CDYL: variants seen among roughly 807,000 people sequenced by gnomAD.
CDYL encodes chromodomain Y-like protein.
A neutral mutation model predicts 47.3 loss-of-function variants in CDYL; 8 were observed. The observed-to-expected ratio is 0.17, with a 90% CI of 0.10 to 0.31. CDYL has a LOEUF of 0.31. CDYL is among the 10% of genes least tolerant of loss of function. The pLI, the probability that CDYL is intolerant of heterozygous loss-of-function variation, is 1.00. For synonymous variants in CDYL, 266 were observed against 265.0 expected, an observed-to-expected ratio of 1.00 and a Z score of -0.04; for missense variants, 471 against 701.4, an observed-to-expected ratio of 0.67 and a Z score of 3.71.
intron 1 of CDYL, among the ~76,000 whole-genome samples, chr6:4,818,532 T>A (rs944411604): frequency 2.6e-5 from 4 of 152,124 alleles, no homozygotes; most frequent in Admixed American, 6.5e-5. Context: ...GAGTCTGAGA[T>A]TGGAGATGTA....
chr6:4,762,538 G>A (rs542301696), intron 3 of CDYL, among the ~76,000 whole-genome samples: 136 of 149,036 alleles, frequency 9.1e-4, no homozygotes, highest in African/African-American at 3.1e-3. Context: ...TCTTATTCAG[G>A]TCAAAGAGAT....
intron 2 of CDYL, among the ~76,000 whole-genome samples, chr6:4,905,111 C>T (rs2127496561): frequency 6.6e-6 from 1 of 152,302 alleles, no homozygotes; most frequent in Non-Finnish European, 1.5e-5. Context: ...ATAAACAAAG[C>T]CAGCCCAGTA....
At chr6:4,861,862 G>A (rs1305811230) in intron 1 of CDYL, among the ~76,000 whole-genome samples, 3 of 152,140 alleles carry the variant, frequency 2.0e-5, no homozygotes, top group African/African-American at 7.2e-5. Context: ...TAAAGCACCT[G>A]GGTTATGATG....
intron 1 of CDYL, among the ~76,000 whole-genome samples, chr6:4,819,336 G>A (rs1045171522): frequency 2.0e-5 from 3 of 149,436 alleles, no homozygotes; most frequent in Admixed American, 1.3e-4. Flanking sequence ...AAAGAATTAC[G>A]TGTGTCAATC....
chr6:4,808,368 A>G (rs1759431822), intron 1 of CDYL, among the ~76,000 whole-genome samples: 1 of 152,206 alleles, frequency 6.6e-6, no homozygotes, highest in South Asian at 2.1e-4. Context: ...CATTCATTCT[A>G]ACCTTCTTCT....
chr6:4,736,952 C>T (rs1262163140), intron 3 of CDYL, among the ~76,000 whole-genome samples: 1 of 152,024 alleles, frequency 6.6e-6, no homozygotes, highest in Non-Finnish European at 1.5e-5. Context: ...GAACGAGTTC[C>T]CTAAATAGTC....
chr6:4,849,911 G>A (rs1376972232), intron 1 of CDYL, among the ~76,000 whole-genome samples: 2 of 144,384 alleles, frequency 1.4e-5, no homozygotes, highest in Admixed American at 6.9e-5. Flanking sequence ...CAGGAGGCAG[G>A]GAAGGGGATA....
At chr6:4,941,327 A>G (rs933115163) in intron 4 of CDYL, among the ~76,000 whole-genome samples, 1 of 152,224 alleles carries the variant, frequency 6.6e-6, no homozygotes, top group Non-Finnish European at 1.5e-5. Flanking sequence ...CTTGATTTGC[A>G]GCTCCCTTGG....
At position 4,944,251 on chromosome 6, in the gene CDYL, A is replaced by G. The variant is rs141856290; in HGVS notation, c.1332+495A>G. Among the ~76,000 whole-genome samples the G allele has an allele frequency of 6.6e-3, 1,001 of 152,292 alleles. 6 individuals are homozygous for G. Among genetic ancestry groups the G allele is most frequent in the Middle Eastern group, 0.01 (3 of 294 alleles). On this transcript the variant is annotated intron_variant, in intron 5 of 6. Transcript: ENST00000397588. Reference sequence around the variant, plus strand: ...TTCACATCTCATTCTCTAGTCCTTGAAATAGGGCAGGAGGTGGTGTCACAG... The same window carrying G: ...TTCACATCTCATTCTCTAGTCCTTGGAATAGGGCAGGAGGTGGTGTCACAG...
chr6:4,850,177 C>A (rs1247910075), intron 1 of CDYL, among the ~76,000 whole-genome samples: 2 of 152,188 alleles, frequency 1.3e-5, no homozygotes, highest in Non-Finnish European at 2.9e-5. Flanking sequence ...ATGCTTCACG[C>A]TAATTGCCAG....
intron 1 of CDYL, among the ~76,000 whole-genome samples, chr6:4,877,854 T>C (rs762026688): frequency 2.6e-5 from 4 of 152,216 alleles, no homozygotes; most frequent in Non-Finnish European, 4.4e-5. Context: ...ATCTTGTTGG[T>C]TTCCACATAA....
intron 1 of CDYL, among the ~76,000 whole-genome samples, chr6:4,789,051 T>C (rs1351118263): frequency 6.6e-6 from 1 of 152,160 alleles, no homozygotes; most frequent in African/African-American, 2.4e-5. Context: ...TACTGCTTCA[T>C]GCAGAAGCTC....
At chr6:4,805,400 A>G (rs1759341838) in intron 1 of CDYL, among the ~76,000 whole-genome samples, 1 of 152,256 alleles carries the variant, frequency 6.6e-6, no homozygotes, top group African/African-American at 2.4e-5. Context: ...CACACTGGTA[A>G]TTCGAATGGC....
At position 4,952,213 on chromosome 6, in the gene CDYL, C is replaced by T. The variant is rs547583330; in HGVS notation, c.1333-53C>T. On this transcript the variant is annotated intron_variant, in intron 5 of 6. Coordinates refer to ENST00000397588, the MANE Select transcript of CDYL (RefSeq NM_004824.4). The stretch of plus-strand genomic sequence containing the variant: ...GTGTGGATTTTAAGGGATGGGTCTT[C>T]CCCGCCCGCCTCCCACCGCAATTCA... 5 of 1,582,974 alleles carry T rather than the reference C, an allele frequency of 3.2e-6. No individual in the cohort carries two copies. The South Asian group carries it at 5.8e-5, about 18-fold the overall frequency.
intron 1 of CDYL, among the ~76,000 whole-genome samples, chr6:4,863,872 T>A (rs1337517909): frequency 6.6e-6 from 1 of 152,196 alleles, no homozygotes; most frequent in African/African-American, 2.4e-5. Flanking sequence ...AGGTCCAGTT[T>A]AAGTAAAATT....
intron 3 of CDYL, among the ~76,000 whole-genome samples, chr6:4,737,297 C>CA (rs1012076958): frequency 2.6e-5 from 4 of 151,844 alleles, no homozygotes; most frequent in Non-Finnish European, 4.4e-5. Context: ...ACTACACACA[C>CA]AAAAAAAGAT....
chr6:4,837,392 C>G (rs59852455), intron 1 of CDYL, among the ~76,000 whole-genome samples: 1 of 151,392 alleles, frequency 6.6e-6, no homozygotes, highest in East Asian at 1.9e-4. Flanking sequence ...ATGAAGTAAA[C>G]GTCAGTGCGT....
At chr6:4,907,966 C>T (rs1051262727) in intron 2 of CDYL, among the ~76,000 whole-genome samples, 5 of 152,130 alleles carry the variant, frequency 3.3e-5, no homozygotes, top group East Asian at 3.9e-4. Flanking sequence ...CCTTGAGCTC[C>T]GTGTTCTCTA....
At chr6:4,836,658 C>T (rs1278570071) in intron 1 of CDYL, among the ~76,000 whole-genome samples, 1 of 152,134 alleles carries the variant, frequency 6.6e-6, no homozygotes, top group Non-Finnish European at 1.5e-5. Context: ...GACCACCATG[C>T]AGCAAGGAAA....
Sources: gnomAD v4.1 joint callset for allele counts (sites outside exome capture counted in the v4.1 genomes callset) on GRCh38, gnomAD v4.1.1 for gene constraint, MANE v1.5 for transcripts, NCBI Gene and HGNC (gene_info 2026-07-23, HGNC 2026-07-21) for gene names.